Variants in RPTOR observed in about 807,000 individuals in gnomAD.
RPTOR encodes regulatory associated protein of MTOR complex 1.
Under a neutral mutation model 169.9 loss-of-function variants are expected in RPTOR, and 21 were observed. The observed-to-expected ratio is 0.12, with a 90% confidence interval of 0.09 to 0.18. The LOEUF (loss-of-function observed/expected upper bound fraction) is 0.18. RPTOR is among the 10% of genes least tolerant of loss of function. The pLI is 1.00. For synonymous variants in RPTOR, 732 were observed against 753.2 expected (o/e 0.97, Z 0.46); for missense variants, 1,133 against 1,855.9 (o/e 0.61, Z 7.16).
intron 13 of RPTOR, among the ~76,000 whole-genome samples, chr17:80,873,757 T>C (rs1184050503): frequency 6.6e-6 from 1 of 152,242 alleles, no homozygotes; most frequent in African/African-American, 2.4e-5. Context: ...CAGTCACCAC[T>C]GTCACACTGC....
At chr17:80,910,645 A>ACTCTCCCCCTCTCAAAT (rs2068600973) in intron 21 of RPTOR, among the ~76,000 whole-genome samples, 1 of 151,350 alleles carries the variant, frequency 6.6e-6, no homozygotes, top group Non-Finnish European at 1.5e-5. Flanking sequence ...TGAGCTATCG[A>ACTCTCCCCCTCTCAAAT]GTCTCCCCCT....
chr17:80,883,581 G>T (rs953639518), intron 15 of RPTOR, 97 bp downstream of exon 15: 5 of 1,273,242 alleles, frequency 3.9e-6, no homozygotes, highest in African/African-American at 1.5e-5. Flanking sequence ...GGGGACAGGG[G>T]GTGTCCAGCA....
chr17:80,687,595 G>T (rs907086122), intron 3 of RPTOR, among the ~76,000 whole-genome samples: 2 of 152,228 alleles, frequency 1.3e-5, no homozygotes, highest in Non-Finnish European at 2.9e-5. Context: ...CCGTTGGTGT[G>T]TGTTGAGCTG....
intron 20 of RPTOR, among the ~76,000 whole-genome samples, chr17:80,902,389 C>T (rs1273609927): frequency 1.3e-5 from 2 of 152,276 alleles, no homozygotes. Flanking sequence ...GGCCCGGCCC[C>T]TCTGCCATCC....
At chr17:80,792,598 A>C (rs1287308971) in intron 7 of RPTOR, among the ~76,000 whole-genome samples, 1 of 152,154 alleles carries the variant, frequency 6.6e-6, no homozygotes, top group East Asian at 1.9e-4. Flanking sequence ...AGGCTTTCCA[A>C]ACAGTGCAAG....
In RPTOR at chr17:80,923,681, A is replaced by G. The variant is rs2143981811; in HGVS notation, c.2808+8A>G. 6.3e-7 allele frequency: 1 copy of G among 1,576,698 alleles called. No homozygotes were observed. Among genetic ancestry groups the G allele is most frequent in the Non-Finnish European group, 8.6e-7 (1 of 1,157,734 alleles). Reference sequence around the variant, plus strand: ...GACAAGGGCCCAGAGCAGGTACGGGAGCCCGGCTGCCTGGTGATCTGGACA... The same window carrying G: ...GACAAGGGCCCAGAGCAGGTACGGGGGCCCGGCTGCCTGGTGATCTGGACA... On this transcript the variant is annotated splice_region_variant and intron_variant, in intron 23 of 33. Coordinates refer to ENST00000306801, the MANE Select transcript of RPTOR (RefSeq NM_020761.3).
At chr17:80,837,807 C>T in intron 9 of RPTOR, 115 bp from the exon 10 acceptor site, 1 of 971,970 alleles carries the variant, frequency 1.0e-6, no homozygotes, top group Non-Finnish European at 1.6e-6. Context: ...CTGCCGTGGC[C>T]TCCGCCCAGA....
intron 11 of RPTOR, 31 bp downstream of exon 11, chr17:80,846,605 G>T: frequency 6.3e-7 from 1 of 1,597,516 alleles, no homozygotes; most frequent in Admixed American, 1.7e-5. Flanking sequence ...CCAGACAGCC[G>T]AGGTTCCTCA....
intron 13 of RPTOR, among the ~76,000 whole-genome samples, chr17:80,867,195 T>TAC (rs2068002920): frequency 6.6e-6 from 1 of 152,066 alleles, no homozygotes; most frequent in South Asian, 2.1e-4. Context: ...GCAAACCTGT[T>TAC]TAAGGATTGA....
intron 3 of RPTOR, among the ~76,000 whole-genome samples, chr17:80,672,610 G>T (rs1452760003): frequency 6.6e-6 from 1 of 152,086 alleles, no homozygotes; most frequent in African/African-American, 2.4e-5. Context: ...CTAACACAGT[G>T]AAACCCTGTC....
At chr17:80,875,819 C>T (rs78831506) in intron 13 of RPTOR, among the ~76,000 whole-genome samples, 10,815 of 109,790 alleles carry the variant, frequency 0.099, 5 homozygotes, top group East Asian at 0.19. Flanking sequence ...GTCTTCCCAC[C>T]GAGCCCGTGC....
chr17:80,900,531 G>T (rs540453085), intron 20 of RPTOR, among the ~76,000 whole-genome samples: 46 of 152,284 alleles, frequency 3.0e-4, no homozygotes, highest in South Asian at 6.2e-4. Context: ...GGTCAGGCTG[G>T]TCTCGAACTT....
chr17:80,785,629 G>A (rs2066983520), intron 6 of RPTOR, among the ~76,000 whole-genome samples: 1 of 152,176 alleles, frequency 6.6e-6, no homozygotes, highest in Non-Finnish European at 1.5e-5. Flanking sequence ...CCGCGGCCAG[G>A]CTGGCAGAGA....
Position 80,907,413 on chromosome 17 carries a change from G to A in RPTOR, c.2402-1398G>A, listed in dbSNP as rs931857467. On this transcript the variant is annotated intron_variant, in intron 20 of 33. Coordinates refer to ENST00000306801, the MANE Select transcript of RPTOR (RefSeq NM_020761.3). ...CTGGCACTCCTGGTGCCCGCAGGCAGGGGAGGCAGCGCCTGGCCCCGCTCT... is the reference window on the plus strand; with the variant it reads ...CTGGCACTCCTGGTGCCCGCAGGCAAGGGAGGCAGCGCCTGGCCCCGCTCT... Among the ~76,000 whole-genome samples, 3 of 152,380 alleles carry A rather than the reference G, an allele frequency of 2.0e-5. No homozygotes were observed. In the South Asian group the frequency reaches 6.2e-4, roughly 32 times the overall value.
intron 1 of RPTOR, among the ~76,000 whole-genome samples, chr17:80,572,876 A>G (rs929998022): frequency 1.3e-5 from 2 of 152,018 alleles, no homozygotes; most frequent in African/African-American, 2.4e-5. Context: ...TTTGCATCTT[A>G]TTTAGGAACT....
At chr17:80,789,088 A>G (rs189412588) in intron 6 of RPTOR, among the ~76,000 whole-genome samples, 2 of 152,350 alleles carry the variant, frequency 1.3e-5, no homozygotes, top group African/African-American at 4.8e-5. Context: ...TATTTAAGGG[A>G]ACATTATATT....
At chr17:80,599,730 C>T (rs1300734992) in intron 1 of RPTOR, among the ~76,000 whole-genome samples, 1 of 152,232 alleles carries the variant, frequency 6.6e-6, no homozygotes, top group East Asian at 1.9e-4. Flanking sequence ...GGCCTACTGG[C>T]TGCCTTTTGC....
intron 7 of RPTOR, among the ~76,000 whole-genome samples, chr17:80,811,946 T>C (rs4969455): frequency 0.95 from 140,551 of 148,168 alleles, 66,627 homozygotes; most frequent in East Asian, 0.99. Flanking sequence ...CCAACAAGGC[T>C]TAAACCTCAC....
intron 7 of RPTOR, among the ~76,000 whole-genome samples, chr17:80,819,959 G>C (rs1025565845): frequency 2.0e-5 from 3 of 152,234 alleles, no homozygotes; most frequent in African/African-American, 7.2e-5. Context: ...TGCAGTTGGT[G>C]TTGGGCCCCA....
Sources: gnomAD v4.1 joint callset for allele counts (sites outside exome capture counted in the v4.1 genomes callset) on GRCh38, gnomAD v4.1.1 for gene constraint, MANE v1.5 for transcripts, NCBI Gene and HGNC (gene_info 2026-07-23, HGNC 2026-07-21) for gene names.